The following CYSLTR1 variants were observed in gnomAD, a reference collection of about 807,000 sequenced individuals.
CYSLTR1 encodes the protein G-protein coupled receptor HG55.
In CYSLTR1, 1 loss-of-function variant was observed where a neutral mutation model predicts 2.1. That is an observed-to-expected ratio of 0.48 (90% confidence interval 0.17 to 2.28). The LOEUF (loss-of-function observed/expected upper bound fraction) is 2.28. Ranked by LOEUF, CYSLTR1 falls within the 30% of genes most tolerant of loss-of-function variation. The pLI is 0.26. For missense variants in CYSLTR1, 299 were observed against 250.1 expected, an observed-to-expected ratio of 1.20 and a Z score of -1.32; for synonymous variants, 110 against 89.6, an observed-to-expected ratio of 1.23 and a Z score of -1.28.
intron 1 of CYSLTR1, among the ~76,000 whole-genome samples, chrX:78,322,058 C>T (rs769043625): frequency 4.5e-5 from 5 of 111,230 alleles, no homozygotes; most frequent in African/African-American, 1.6e-4. Context: ...CTCCTAAAAC[C>T]GATACTTCCT....
chrX:78,272,828 A>T lies in CYSLTR1; in HGVS notation c.919T>A (p.Ser307Thr). ...GACAAAGAATGCTTTCTGAATGTAG[A>T]CAGCCTTTTCCTAAAGTTACCCCCA... Reference protein sequence around the residue: ...FSGGNFRKRLSTFRKHSLSSV... With the variant: ...FSGGNFRKRLTTFRKHSLSSV... The change falls in exon 3 of 3, where the codon TCT (serine) becomes ACT (threonine). Residue 307 changes from serine to threonine, a missense_variant. Coordinates refer to ENST00000373304, the MANE Select transcript of CYSLTR1 (RefSeq NM_006639.4). 8.3e-7 allele frequency: 1 copy of T among 1,211,286 alleles called. No individual in the cohort carries two copies. The highest frequency in any genetic ancestry group is 1.1e-6 in the Non-Finnish European group (1 of 895,320).
intron 1 of CYSLTR1, among the ~76,000 whole-genome samples, chrX:78,285,314 G>A (rs1364474906): frequency 2.8e-5 from 3 of 109,065 alleles, no homozygotes; most frequent in African/African-American, 1.0e-4. Context: ...CCAGCTACTC[G>A]GAGAGGCTGA....
chrX:78,323,082 A>C (rs1470746617), intron 1 of CYSLTR1, among the ~76,000 whole-genome samples: 1 of 112,194 alleles, frequency 8.9e-6, no homozygotes, highest in Non-Finnish European at 1.9e-5. Context: ...GATCTTGAGG[A>C]GTGCATGAGT....
intron 1 of CYSLTR1, among the ~76,000 whole-genome samples, chrX:78,310,932 A>G (rs1183800925): frequency 9.1e-6 from 1 of 110,136 alleles, no homozygotes; most frequent in African/African-American, 3.3e-5. Context: ...TATGGGGCTT[A>G]AAAGTGAGAA....
At chrX:78,278,362 A>T (rs771726728) in intron 2 of CYSLTR1, among the ~76,000 whole-genome samples, 96 of 112,263 alleles carry the variant, frequency 8.6e-4, no homozygotes, top group Non-Finnish European at 1.5e-3. Context: ...ACACAAGCCC[A>T]TTCACAATAG....
At chrX:78,277,178 T>C (rs1445402722) in intron 2 of CYSLTR1, among the ~76,000 whole-genome samples, 1 of 111,159 alleles carries the variant, frequency 9.0e-6, no homozygotes. Flanking sequence ...AGCTTCATCC[T>C]TTGTTGGCTG....
intron 2 of CYSLTR1, among the ~76,000 whole-genome samples, chrX:78,277,190 C>T: frequency 9.0e-6 from 1 of 111,007 alleles, no homozygotes; most frequent in Non-Finnish European, 1.9e-5. Flanking sequence ...TGTTGGCTGC[C>T]AGACCTGGAC....
intron 1 of CYSLTR1, among the ~76,000 whole-genome samples, chrX:78,321,901 T>C (rs1451407082): frequency 9.0e-6 from 1 of 111,410 alleles, no homozygotes; most frequent in Non-Finnish European, 1.9e-5. Context: ...TCTATTAAGT[T>C]ATACGCCTGC....
At chrX:78,305,276 G>A (rs1283444351) in intron 1 of CYSLTR1, among the ~76,000 whole-genome samples, 1 of 111,932 alleles carries the variant, frequency 8.9e-6, no homozygotes, top group Non-Finnish European at 1.9e-5. Flanking sequence ...TAAAGCCTTT[G>A]ACTTTAGTAA....
chrX:78,325,278 A>G (rs983484787), intron 1 of CYSLTR1, among the ~76,000 whole-genome samples: 1 of 111,375 alleles, frequency 9.0e-6, no homozygotes, highest in Non-Finnish European at 1.9e-5. Flanking sequence ...GCTGAGACTT[A>G]GAGTGATGTC....
intron 1 of CYSLTR1, among the ~76,000 whole-genome samples, chrX:78,283,919 A>G (rs1187605621): frequency 8.9e-6 from 1 of 112,155 alleles, no homozygotes; most frequent in African/African-American, 3.2e-5. Context: ...GGAACTTTAC[A>G]TCCAGGGATC....
chrX:78,273,722 C>T lies in CYSLTR1; in HGVS notation c.25G>A (p.Val9Ile). The change falls in exon 3 of 3, where the codon GTA (valine) becomes ATA (isoleucine). Residue 9 changes from valine (V) to isoleucine (I), a missense_variant. Transcript: ENST00000373304. ...GTGTCATGGCATGTGGCAGAAGATA[C>T]TGTCAGATTTCCTGTTTCATCCATG... MDETGNLT[V>I]SSATCHDTID... 1 of 1,199,245 alleles carries T rather than the reference C, an allele frequency of 8.3e-7. No homozygotes were observed. Among genetic ancestry groups the T allele is most frequent in the Non-Finnish European group, 1.1e-6 (1 of 886,788 alleles).
At chrX:78,324,446 C>A (rs763593700) in intron 1 of CYSLTR1, among the ~76,000 whole-genome samples, 2 of 111,824 alleles carry the variant, frequency 1.8e-5, no homozygotes, top group Non-Finnish European at 3.8e-5. Flanking sequence ...CGGCTCACTG[C>A]GACCTCCACC....
intron 1 of CYSLTR1, chrX:78,320,270 T>G (rs1923590816): frequency 8.9e-6 from 1 of 112,167 alleles, no homozygotes; most frequent in South Asian, 3.7e-4. Context: ...TTAATCCATC[T>G]TGAATTAATT....
At chrX:78,291,972 A>G (rs1448487126) in intron 1 of CYSLTR1, among the ~76,000 whole-genome samples, 1 of 108,103 alleles carries the variant, frequency 9.3e-6, no homozygotes, top group Non-Finnish European at 1.9e-5. Context: ...TATCTCCTTT[A>G]GTTCTGCTCT....
chrX:78,286,924 C>A (rs1387999959), intron 1 of CYSLTR1, among the ~76,000 whole-genome samples: 5 of 110,916 alleles, frequency 4.5e-5, no homozygotes, highest in Non-Finnish European at 9.4e-5. Flanking sequence ...TGATATTGAG[C>A]CCCTTTTCAT....
rs755695510 is a variant in CYSLTR1, at chrX:78,272,962, T to C, written c.785A>G (p.Asn262Ser). The change falls in exon 3 of 3, where the codon AAT (asparagine) becomes AGT (serine). Residue 262 changes from asparagine to serine, a missense_variant. Asn to Ser is a conservative substitution (Grantham distance 46). Transcript: ENST00000373304. ...GACAGAATCACAGGGTTTAGTTTCA[T>C]TGTGTAAAAAATGAAGGTGAATGGT... ...QRTIHLHFLH[N>S]ETKPCDSVLR... 5.8e-6 allele frequency: 7 copies of C among 1,209,501 alleles called. No individual in the cohort carries two copies. The highest frequency in any genetic ancestry group is 7.8e-6 in the Non-Finnish European group (7 of 894,991).
Position 78,274,994 on chromosome X carries a change from G to A in CYSLTR1, c.-27-1221C>T, listed in dbSNP as rs1921514516. Reference sequence around the variant, plus strand: ...CATGAAAAAATGCTCATCATCACTGGCCATCAGAGAAATGCAAATCAAAAC... The same window carrying A: ...CATGAAAAAATGCTCATCATCACTGACCATCAGAGAAATGCAAATCAAAAC... On this transcript the variant is annotated intron_variant, in intron 2 of 2. Transcript: ENST00000373304. Among the ~76,000 whole-genome samples, 3 of 111,495 alleles carry A rather than the reference G, an allele frequency of 2.7e-5. No individual in the cohort carries two copies. The South Asian group carries it at 1.1e-3, about 42-fold the overall frequency.
At chrX:78,280,203 C>T (rs1273154859) in intron 2 of CYSLTR1, among the ~76,000 whole-genome samples, 7 of 110,782 alleles carry the variant, frequency 6.3e-5, no homozygotes, top group African/African-American at 2.3e-4. Flanking sequence ...TTCTAGTTAC[C>T]TGGCTCATTC....
Sources: allele counts gnomAD v4.1 joint callset (sites outside exome capture counted in the v4.1 genomes callset), GRCh38; gene constraint gnomAD v4.1.1; transcripts MANE v1.5; gene names NCBI Gene and HGNC (gene_info 2026-07-23, HGNC 2026-07-21).